The following SMARCB1 variants were observed in gnomAD, a reference collection of about 807,000 sequenced individuals.
SMARCB1 encodes the protein SWI/SNF related BAF chromatin remodeling complex subunit B1.
In SMARCB1, 5 loss-of-function variants were observed where a neutral mutation model predicts 49.0. The observed-to-expected ratio is 0.10, with a 90% CI of 0.05 to 0.21. SMARCB1 has a LOEUF of 0.21. Ranked by LOEUF, SMARCB1 falls within the 10% of genes least tolerant of loss-of-function variation. SMARCB1 has a pLI of 1.00. For missense variants in SMARCB1, 226 were observed against 509.2 expected (o/e 0.44, Z 5.35); for synonymous variants, 201 against 200.1 (o/e 1.00, Z -0.04).
rs998015340 is a variant in SMARCB1 at position 23,835,157 on chromosome 22, G to C, written c.*977G>C. 9 of 1,321,962 alleles carry C rather than the reference G, an allele frequency of 6.8e-6. No homozygotes were observed. Among genetic ancestry groups the C allele is most frequent in the Middle Eastern group, 2.8e-4 (1 of 3,516 alleles). 81.9% of individuals were successfully genotyped at this position (1,321,962 alleles called of 1,614,324 possible). ...CAGCTCTTGGAGTTGACACGGTACA[G>C]GGAGGAGACACAGCCCAGGGTCCCT... On this transcript the variant is annotated 3_prime_UTR_variant, in exon 9 of 9. Coordinates refer to ENST00000644036, the MANE Select transcript of SMARCB1 (RefSeq NM_003073.5).
At chr22:23,794,522 A>G (rs1400538557) in intron 3 of SMARCB1, among the ~76,000 whole-genome samples, 1 of 152,208 alleles carries the variant, frequency 6.6e-6, no homozygotes, top group African/African-American at 2.4e-5. Context: ...TTAAAAAAAC[A>G]TGTAAGTGGG....
intron 3 of SMARCB1, among the ~76,000 whole-genome samples, chr22:23,797,488 T>G (rs1270019776): frequency 6.6e-6 from 1 of 150,524 alleles, no homozygotes; most frequent in Non-Finnish European, 1.5e-5. Context: ...TTTTTTGTAT[T>G]TTTAGTAGAG....
intron 6 of SMARCB1, among the ~76,000 whole-genome samples, chr22:23,822,634 A>G (rs769012604): frequency 3.3e-5 from 5 of 152,180 alleles, no homozygotes; most frequent in Admixed American, 6.5e-5. Flanking sequence ...GCTCTCTGCT[A>G]CAGTCCCTCG....
At chr22:23,831,460 C>T (rs1368093323) in intron 7 of SMARCB1, among the ~76,000 whole-genome samples, 1 of 152,142 alleles carries the variant, frequency 6.6e-6, no homozygotes, top group Non-Finnish European at 1.5e-5. Flanking sequence ...ACCAGAATTC[C>T]CTGGAAGGAA....
intron 3 of SMARCB1, 42 bp downstream of exon 3, chr22:23,793,730 G>A (rs145839458): frequency 6.2e-7 from 1 of 1,608,572 alleles, no homozygotes; most frequent in Non-Finnish European, 8.5e-7. Context: ...GACACCTGTG[G>A]GGTCTTTTCT....
rs1368059606 is a variant in SMARCB1 at position 23,837,167 on chromosome 22, C to T, written c.*2987C>T. On this transcript the variant is annotated 3_prime_UTR_variant, in exon 9 of 9. Transcript: ENST00000644036. ...CCCACCGCAATCCCTGTGAGACAGC[C>T]ACGGACTGTGGGGTCACCCTCCACA... is the stretch of plus-strand genomic sequence containing the variant. 4 of 1,613,548 alleles carry T rather than the reference C, an allele frequency of 2.5e-6. No individual in the cohort carries two copies. Among genetic ancestry groups the T allele is most frequent in the Non-Finnish European group, 3.4e-6 (4 of 1,179,780 alleles).
intron 7 of SMARCB1, 75 bp from the exon 8 acceptor site, chr22:23,833,495 CAG>C (rs1385168546): frequency 2.5e-6 from 4 of 1,596,730 alleles, no homozygotes; most frequent in African/African-American, 2.7e-5. Context: ...AGGGCACAGA[CAG>C]GGGCCAAAGC....
intron 3 of SMARCB1, among the ~76,000 whole-genome samples, chr22:23,797,049 G>A (rs1415366209): frequency 4.7e-5 from 7 of 148,772 alleles, no homozygotes; most frequent in African/African-American, 1.7e-4. Context: ...CCAGGCTGGA[G>A]TGCAGTGGCG....
At chr22:23,788,158 G>A (rs1928132244) in intron 1 of SMARCB1, among the ~76,000 whole-genome samples, 2 of 151,870 alleles carry the variant, frequency 1.3e-5, no homozygotes, top group South Asian at 2.1e-4. Context: ...ACAGGCATGA[G>A]CCACCACACC....
At chr22:23,828,470 A>G (rs144762976) in intron 7 of SMARCB1, among the ~76,000 whole-genome samples, 2 of 152,178 alleles carry the variant, frequency 1.3e-5, no homozygotes, top group East Asian at 2.0e-4. Context: ...ACAGGCCAAC[A>G]TGGCAAAACC....
intron 6 of SMARCB1, chr22:23,817,374 C>G (rs138470273): frequency 1.5e-5 from 4 of 275,348 alleles, no homozygotes; most frequent in Non-Finnish European, 2.9e-5. Flanking sequence ...GTGAGGCTGG[C>G]GATTGGGCGC....
Position 23,837,753 on chromosome 22 carries a change from G to A in SMARCB1, c.*3573G>A, listed in dbSNP as rs376885818. 2.0e-5 allele frequency: 33 copies of A among 1,613,932 alleles called. 1 individual carries two copies. In the Middle Eastern group the frequency reaches 1.8e-3, roughly 88 times the overall value. Reference sequence around the variant, plus strand: ...GTGCCTGGAAAGTGAGCAGGCCGAAGAAGTTGACCCTCACCCGAGGGCTGC... The same window carrying A: ...GTGCCTGGAAAGTGAGCAGGCCGAAAAAGTTGACCCTCACCCGAGGGCTGC... On this transcript the variant is annotated 3_prime_UTR_variant, in exon 9 of 9. Transcript: ENST00000644036.
chr22:23,836,762 C>T lies in SMARCB1; in HGVS notation c.*2582C>T. The T allele has an allele frequency of 1.4e-6, 2 of 1,393,536 alleles. No homozygotes were observed. The highest frequency in any genetic ancestry group is 1.9e-6 in the Non-Finnish European group (2 of 1,076,234). 86.3% of individuals were successfully genotyped at this position (1,393,536 alleles called of 1,614,324 possible). ...AGCTCATTCTGTTTATTCAGGTGGG[C>T]CCTTGCATGGGCCCAGCCTTTAGGA... is the stretch of plus-strand genomic sequence containing the variant. On this transcript the variant is annotated 3_prime_UTR_variant, in exon 9 of 9. Transcript: ENST00000644036.
Position 23,798,095 on chromosome 22 carries a change from T to A in SMARCB1, c.363-2849T>A, listed in dbSNP as rs549270115. ...GAGGGGGCAGGGGCTCAGCCCAGGC[T>A]CTAACGTATCCAGTCAGAAAAGAGG... On this transcript the variant is annotated intron_variant, in intron 3 of 8. Coordinates refer to ENST00000644036, the MANE Select transcript of SMARCB1 (RefSeq NM_003073.5). 2.7e-5 allele frequency among the ~76,000 whole-genome samples: 4 copies of A among 149,914 alleles called. No homozygotes were observed. In the South Asian group the frequency reaches 8.4e-4, roughly 32 times the overall value.
chr22:23,820,327 C>T (rs1368426587), intron 6 of SMARCB1, among the ~76,000 whole-genome samples: 1 of 149,136 alleles, frequency 6.7e-6, no homozygotes, highest in Non-Finnish European at 1.5e-5. Flanking sequence ...GTAATCCCAG[C>T]ACTTTGGGAG....
chr22:23,836,969 G>A lies in SMARCB1; in HGVS notation c.*2789G>A, dbSNP rs2031099556. The A allele has an allele frequency of 1.2e-6, 2 of 1,601,734 alleles. No individual in the cohort carries two copies. Among genetic ancestry groups the A allele is most frequent in the Non-Finnish European group, 1.7e-6 (2 of 1,174,200 alleles). On this transcript the variant is annotated 3_prime_UTR_variant, in exon 9 of 9. Coordinates refer to ENST00000644036, the MANE Select transcript of SMARCB1 (RefSeq NM_003073.5). Reference sequence around the variant, plus strand: ...GGCATCCAGGAGCAGCTTTCTGTGGGGAGGGGCCCGTGTTGAGCACAGGCC... The same window carrying A: ...GGCATCCAGGAGCAGCTTTCTGTGGAGAGGGGCCCGTGTTGAGCACAGGCC...
intron 1 of SMARCB1, 52 bp from the exon 2 acceptor site, chr22:23,791,704 C>T: frequency 6.3e-7 from 1 of 1,596,166 alleles, no homozygotes; most frequent in Non-Finnish European, 8.6e-7. Flanking sequence ...GGACCCTCCC[C>T]TTCCCTGTGG....
chr22:23,828,303 G>A (rs139855305), intron 7 of SMARCB1, among the ~76,000 whole-genome samples: 4,740 of 151,574 alleles, frequency 0.031, 131 homozygotes, highest in East Asian at 0.12. Context: ...CACCCATCTC[G>A]GCCTCCCAAA....
At chr22:23,821,711 C>T (rs186299609) in intron 6 of SMARCB1, among the ~76,000 whole-genome samples, 47 of 151,754 alleles carry the variant, frequency 3.1e-4, no homozygotes, top group African/African-American at 1.0e-3. Context: ...ATTAGCTGGG[C>T]GTGGTGGCAC....
Sources: gnomAD v4.1 joint callset for allele counts (sites outside exome capture counted in the v4.1 genomes callset) on GRCh38, gnomAD v4.1.1 for gene constraint, MANE v1.5 for transcripts, NCBI Gene and HGNC (gene_info 2026-07-23, HGNC 2026-07-21) for gene names.